DOK6: variants seen among roughly 807,000 people sequenced by gnomAD.
The protein encoded by DOK6 is downstream of tyrosine kinase 6.
In DOK6, 22 loss-of-function variants were observed where a neutral mutation model predicts 44.0. The ratio of observed to expected loss-of-function variants is 0.50; its 90% CI spans 0.36 to 0.71. DOK6 has a LOEUF of 0.71. Among genes scored for constraint, DOK6 ranks in the 30% least tolerant of loss-of-function variants. The probability of loss-of-function intolerance (pLI) is 0.00; values close to 1 mark genes in which losing one functional copy is unlikely to be tolerated. For missense variants in DOK6, 340 were observed against 416.4 expected, an observed-to-expected ratio of 0.82 and a Z score of 1.60; for synonymous variants, 166 against 145.5, an observed-to-expected ratio of 1.14 and a Z score of -1.01.
intron 6 of DOK6, among the ~76,000 whole-genome samples, chr18:69,747,506 C>T (rs1979024237): frequency 1.3e-5 from 2 of 152,152 alleles, no homozygotes; most frequent in Admixed American, 1.3e-4. Context: ...TTGTCAGCCC[C>T]ACCTTCCTAG....
chr18:69,725,088 G>A (rs146983732), intron 5 of DOK6: 5 of 152,332 alleles, frequency 3.3e-5, no homozygotes, highest in African/African-American at 9.6e-5. Flanking sequence ...TCCTGAAGGT[G>A]TTAATAACTG....
chr18:69,676,784 GCA>G (rs1230275139), intron 3 of DOK6, among the ~76,000 whole-genome samples: 1 of 152,162 alleles, frequency 6.6e-6, no homozygotes, highest in Non-Finnish European at 1.5e-5. Context: ...ATGATTTGAG[GCA>G]CAGATATGAT....
At chr18:69,672,940 T>G (rs1446452608) in intron 3 of DOK6, among the ~76,000 whole-genome samples, 5 of 149,068 alleles carry the variant, frequency 3.4e-5, no homozygotes, top group African/African-American at 9.8e-5. Flanking sequence ...AAGACGTTAA[T>G]AAATATGAAA....
chr18:69,468,832 T>C (rs1980003084), intron 1 of DOK6, among the ~76,000 whole-genome samples: 1 of 152,112 alleles, frequency 6.6e-6, no homozygotes, highest in Non-Finnish European at 1.5e-5. Flanking sequence ...ATTTAGAATA[T>C]AAAGACACGA....
Position 69,599,415 on chromosome 18 carries a change from C to T in DOK6, c.206C>T (p.Thr69Ile). ...GAACTGCACAATATCAAAAATATAA[C>T]CAGACTGCCCCGAGAGACAAAGAAG... Reference protein sequence around the residue: ...VTELHNIKNITRLPRETKKHA... With the variant: ...VTELHNIKNIIRLPRETKKHA... The change falls in exon 3 of 8, where the codon ACC (threonine) becomes ATC (isoleucine). Residue 69 changes from threonine to isoleucine, a missense_variant. By Grantham distance (89) the Thr-to-Ile change is moderately conservative. Transcript: ENST00000382713. 3.1e-6 allele frequency: 5 copies of T among 1,613,630 alleles called. No homozygotes were observed. In the South Asian group the frequency reaches 5.5e-5, roughly 18 times the overall value.
chr18:69,657,481 T>C (rs1055012963), intron 3 of DOK6, among the ~76,000 whole-genome samples: 1 of 152,186 alleles, frequency 6.6e-6, no homozygotes, highest in Non-Finnish European at 1.5e-5. Flanking sequence ...AAATAAGCAT[T>C]TTGTTATAGG....
At chr18:69,583,968 C>T (rs1277628799) in intron 2 of DOK6, among the ~76,000 whole-genome samples, 3 of 151,570 alleles carry the variant, frequency 2.0e-5, no homozygotes, top group Non-Finnish European at 2.9e-5. Context: ...ATTAGCCAGG[C>T]GTGGTGGCGG....
chr18:69,780,519 G>A (rs1167463494), intron 7 of DOK6, among the ~76,000 whole-genome samples: 1 of 152,228 alleles, frequency 6.6e-6, no homozygotes, highest in Non-Finnish European at 1.5e-5. Flanking sequence ...TTGAACCCAG[G>A]AGATGGAGGT....
At chr18:69,682,016 C>T (rs1169036047) in intron 4 of DOK6, among the ~76,000 whole-genome samples, 1 of 152,200 alleles carries the variant, frequency 6.6e-6, no homozygotes, top group African/African-American at 2.4e-5. Flanking sequence ...TGTCTCTGCT[C>T]ATGAGTGGGC....
intron 1 of DOK6, among the ~76,000 whole-genome samples, chr18:69,439,637 C>A (rs997872019): frequency 6.6e-6 from 1 of 152,182 alleles, no homozygotes; most frequent in African/African-American, 2.4e-5. Context: ...CCTCATGAAC[C>A]AACCTATGCT....
rs117020592 is a variant in DOK6, at chr18:69,745,800, A to G, written c.738+6697A>G. On this transcript the variant is annotated intron_variant, in intron 6 of 7. Coordinates refer to ENST00000382713, the MANE Select transcript of DOK6 (RefSeq NM_152721.6). Reference sequence around the variant, plus strand: ...ACCACCTGGTCTTTAGTAAAAGCTCAGTAATTATGAGCTAATTCATAAGAT... The same window carrying G: ...ACCACCTGGTCTTTAGTAAAAGCTCGGTAATTATGAGCTAATTCATAAGAT... 6.0e-3 allele frequency among the ~76,000 whole-genome samples: 907 copies of G among 152,388 alleles called. 7 individuals are homozygous for G. The highest frequency in any genetic ancestry group is 9.8e-3 in the Non-Finnish European group (664 of 68,030).
chr18:69,495,787 T>A (rs1339330193), intron 1 of DOK6, among the ~76,000 whole-genome samples: 1 of 152,176 alleles, frequency 6.6e-6, no homozygotes, highest in African/African-American at 2.4e-5. Flanking sequence ...CTGAACTACC[T>A]GCAACACCCC....
At chr18:69,407,401 T>C (rs745614859) in intron 1 of DOK6, among the ~76,000 whole-genome samples, 1 of 152,192 alleles carries the variant, frequency 6.6e-6, no homozygotes, top group Non-Finnish European at 1.5e-5. Context: ...GATAAAATAA[T>C]TAAAAGGGAG....
intron 1 of DOK6, among the ~76,000 whole-genome samples, chr18:69,478,471 C>T (rs1331426528): frequency 1.3e-5 from 2 of 151,954 alleles, no homozygotes; most frequent in Admixed American, 6.6e-5. Flanking sequence ...TTTAAACTTA[C>T]TGTTTTATTT....
chr18:69,563,094 C>T (rs1243698321), intron 1 of DOK6, among the ~76,000 whole-genome samples: 2 of 152,184 alleles, frequency 1.3e-5, no homozygotes, highest in Non-Finnish European at 2.9e-5. Flanking sequence ...ATCAAAACCA[C>T]AATGCGATAC....
chr18:69,518,103 A>G (rs1280948507), intron 1 of DOK6, among the ~76,000 whole-genome samples: 1 of 152,202 alleles, frequency 6.6e-6, no homozygotes, highest in Non-Finnish European at 1.5e-5. Flanking sequence ...CATGTCATAA[A>G]TACTACAAGA....
At chr18:69,711,093 C>G (rs923720706) in intron 5 of DOK6, among the ~76,000 whole-genome samples, 2 of 152,194 alleles carry the variant, frequency 1.3e-5, no homozygotes, top group Non-Finnish European at 1.5e-5. Context: ...AAAAAGCTTT[C>G]AAATTTGTTT....
chr18:69,667,044 G>A (rs1439426360), intron 3 of DOK6, among the ~76,000 whole-genome samples: 2 of 152,072 alleles, frequency 1.3e-5, no homozygotes, highest in Non-Finnish European at 2.9e-5. Context: ...ATTTTCCATA[G>A]AGCATCAGCA....
In DOK6 at chr18:69,435,452, T is replaced by C. The variant is rs139354924; in HGVS notation, c.66+34142T>C. ...AAACAGGCAAATGTTTGGAATCTTG[T>C]AGAGTCATAATAAAAATAGAGATGA... On this transcript the variant is annotated intron_variant, in intron 1 of 7. Transcript: ENST00000382713. 4.6e-4 allele frequency among the ~76,000 whole-genome samples: 70 copies of C among 152,314 alleles called. No individual in the cohort carries two copies. In the East Asian group the frequency reaches 0.012, roughly 26 times the overall value.
Sources: allele counts gnomAD v4.1 joint callset (sites outside exome capture counted in the v4.1 genomes callset), GRCh38; gene constraint gnomAD v4.1.1; transcripts MANE v1.5; gene names NCBI Gene and HGNC (gene_info 2026-07-23, HGNC 2026-07-21).